The following PPP1R12B variants were observed in gnomAD, a reference collection of about 807,000 sequenced individuals.
The protein encoded by PPP1R12B is protein phosphatase 1 regulatory subunit 12B, also known as myosin phosphatase target subunit 2.
In PPP1R12B, 76 loss-of-function variants were observed where a neutral mutation model predicts 126.1. The observed-to-expected ratio is 0.60, with a 90% confidence interval of 0.50 to 0.73. The LOEUF is 0.73. Among genes scored for constraint, PPP1R12B ranks in the 30% least tolerant of loss-of-function variants. The pLI is 0.00. For missense variants in PPP1R12B, 1,052 were observed against 1,205.1 expected (o/e 0.87, Z 1.88); for synonymous variants, 356 against 434.7 (o/e 0.82, Z 2.25).
At chr1:202,456,552 G>A (rs150990189) in intron 13 of PPP1R12B, among the ~76,000 whole-genome samples, 16 of 151,736 alleles carry the variant, frequency 1.1e-4, no homozygotes, top group Admixed American at 2.0e-4. Context: ...TGTGTAGAAC[G>A]CATGGCTGTG....
intron 13 of PPP1R12B, among the ~76,000 whole-genome samples, chr1:202,477,797 A>G (rs1676855998): frequency 2.0e-5 from 3 of 152,218 alleles, no homozygotes; most frequent in Admixed American, 1.3e-4. Context: ...TCTGTAATCA[A>G]TTATTTGAAT....
At chr1:202,412,339 T>G (rs980796674) in intron 1 of PPP1R12B, among the ~76,000 whole-genome samples, 2 of 152,144 alleles carry the variant, frequency 1.3e-5, no homozygotes, top group African/African-American at 4.8e-5. Context: ...TCACAAAATT[T>G]AAAAGAAGAG....
chr1:202,351,235 TGTTGTTTAAAAAAAAAAAAAACA>T (rs1655925922), intron 1 of PPP1R12B, among the ~76,000 whole-genome samples: 1 of 149,906 alleles, frequency 6.7e-6, no homozygotes, highest in Non-Finnish European at 1.5e-5. Context: ...TTGTTGTTGT[TGTTGTTTAAAAAAAAAAAAAACA>T]GTGTCTCACT....
At chr1:202,444,994 ATGG>A (rs1672065824) in intron 12 of PPP1R12B, 1 of 1,237,498 alleles carries the variant, frequency 8.1e-7, no homozygotes, top group South Asian at 4.2e-5. Flanking sequence ...GTGCTGGGAA[ATGG>A]TGGGTGAGCA....
chr1:202,519,851 T>C (rs1308580886), intron 18 of PPP1R12B, among the ~76,000 whole-genome samples: 1 of 152,214 alleles, frequency 6.6e-6, no homozygotes, highest in East Asian at 1.9e-4. Flanking sequence ...AAAAGAACTC[T>C]TACCATTTGT....
Position 202,587,883 on chromosome 1 carries a change from A to G in PPP1R12B, c.*7323A>G, listed in dbSNP as rs1689920105. On this transcript the variant is annotated 3_prime_UTR_variant, in exon 24 of 24. Transcript: ENST00000608999. ...TGGAGGAAAAAAGACACCAGGAGGC[A>G]GGCTGCGGGGTAGGAGAGGGTTCTG... 6.6e-6 allele frequency: 1 copy of G among 152,270 alleles called. No individual in the cohort carries two copies. Among genetic ancestry groups the G allele is most frequent in the African/African-American group, 2.4e-5 (1 of 41,464 alleles). The allele number at this position is 152,270 out of a possible 1,614,324, so 9.4% of individuals were successfully genotyped here. A position where few individuals can be genotyped will look rare whatever the true frequency, so the allele number is the denominator to read the frequency against.
At chr1:202,350,243 A>AT (rs916109657) in intron 1 of PPP1R12B, among the ~76,000 whole-genome samples, 14 of 151,020 alleles carry the variant, frequency 9.3e-5, no homozygotes, top group South Asian at 4.2e-4. Flanking sequence ...TTTTGTACCC[A>AT]TTTTTTTTTC....
At chr1:202,373,233 G>A (rs1030153204) in intron 1 of PPP1R12B, among the ~76,000 whole-genome samples, 7 of 152,196 alleles carry the variant, frequency 4.6e-5, no homozygotes, top group African/African-American at 1.7e-4. Flanking sequence ...ACCGCACCTG[G>A]CCACTGATAA....
chr1:202,449,527 C>T (rs1457972160), intron 13 of PPP1R12B, among the ~76,000 whole-genome samples: 2 of 151,734 alleles, frequency 1.3e-5, no homozygotes, highest in African/African-American at 2.4e-5. Context: ...CTATCCACCT[C>T]GGCCTCTCAA....
chr1:202,446,866 T>C (rs77059386), intron 12 of PPP1R12B, among the ~76,000 whole-genome samples: 6,201 of 152,226 alleles, frequency 0.041, 202 homozygotes, highest in Non-Finnish European at 0.065. Flanking sequence ...CCAGGTTCTT[T>C]CGCTCCACAG....
chr1:202,373,888 T>TTGGTCAAGAAATAAAATATTATTTCTAA lies in PPP1R12B; in HGVS notation c.291+24785_291+24812dup, dbSNP rs1485484713. On this transcript the variant is annotated intron_variant, in intron 1 of 23. Coordinates refer to ENST00000608999, the MANE Select transcript of PPP1R12B (RefSeq NM_002481.4). ...AGCAGAGGTTTGAGTTACCACCACC[T>TTGGTCAAGAAATAAAATATTATTTCTAA]TGGTCAAGAAATAAAATATTATTTC... Among the ~76,000 whole-genome samples, 28 of 152,024 alleles carry TTGGTCAAGAAATAAAATATTATTTCTAA rather than the reference T, an allele frequency of 1.8e-4. No individual in the cohort carries two copies. In the East Asian group the frequency reaches 2.1e-3, roughly 12 times the overall value.
intron 18 of PPP1R12B, among the ~76,000 whole-genome samples, chr1:202,528,331 T>C (rs1242103847): frequency 3.3e-5 from 5 of 152,216 alleles, no homozygotes; most frequent in African/African-American, 9.6e-5. Context: ...AGCTCTTACA[T>C]GCCCTTTGTG....
intron 14 of PPP1R12B, among the ~76,000 whole-genome samples, chr1:202,490,181 G>A (rs181235539): frequency 6.6e-4 from 100 of 152,342 alleles, no homozygotes; most frequent in Non-Finnish European, 1.2e-3. Context: ...AGCAGGAGCG[G>A]TGAAAAGAAA....
Position 202,563,640 on chromosome 1 carries a change from A to G in PPP1R12B, c.2652+718A>G, listed in dbSNP as rs139943616. 2.5e-3 allele frequency among the ~76,000 whole-genome samples: 385 copies of G among 151,942 alleles called. 3 individuals carry two copies. The highest frequency in any genetic ancestry group is 8.7e-3 in the African/African-American group (361 of 41,496). ...CTTGGTGTTAGTAAAAAAAAAAAAA[A>G]AAAAGAAAAGAAAATCATCATCACT... On this transcript the variant is annotated intron_variant, in intron 20 of 23. Transcript: ENST00000608999.
At chr1:202,383,847 TTG>T (rs1348143930) in intron 1 of PPP1R12B, among the ~76,000 whole-genome samples, 25 of 152,390 alleles carry the variant, frequency 1.6e-4, no homozygotes, top group Non-Finnish European at 3.1e-4. Flanking sequence ...TTTTACATTG[TTG>T]TGTGGTAGCC....
At chr1:202,413,357 C>A (rs1667647894) in intron 1 of PPP1R12B, among the ~76,000 whole-genome samples, 1 of 152,062 alleles carries the variant, frequency 6.6e-6, no homozygotes, top group Non-Finnish European at 1.5e-5. Flanking sequence ...GAAGGGAATT[C>A]CTGTAAGTTC....
At chr1:202,494,484 A>G (rs13375708) in intron 15 of PPP1R12B, among the ~76,000 whole-genome samples, 1,717 of 152,122 alleles carry the variant, frequency 0.011, 29 homozygotes, top group African/African-American at 0.04. Flanking sequence ...TCTCTATGTC[A>G]TAAATTTAAT....
chr1:202,415,261 A>G (rs1042356247), intron 1 of PPP1R12B, among the ~76,000 whole-genome samples: 5 of 152,236 alleles, frequency 3.3e-5, no homozygotes, highest in Non-Finnish European at 7.3e-5. Flanking sequence ...GAGGAAGAAT[A>G]TAGTGCCTGC....
chr1:202,428,043 C>G (rs1669775601), intron 5 of PPP1R12B, among the ~76,000 whole-genome samples: 1 of 978 alleles, frequency 1.0e-3, no homozygotes, highest in African/African-American at 4.4e-3. Context: ...CTCCTGGGCT[C>G]AAGTGATTCC....
Sources: allele counts gnomAD v4.1 joint callset (sites outside exome capture counted in the v4.1 genomes callset), GRCh38; gene constraint gnomAD v4.1.1; transcripts MANE v1.5; gene names NCBI Gene and HGNC (gene_info 2026-07-23, HGNC 2026-07-21).